Variants in KCNH8 observed in about 807,000 individuals in gnomAD.
KCNH8 encodes potassium voltage-gated channel subfamily H member 8, also known as voltage-gated delayed rectifier potassium channel KCNH8.
Under a neutral mutation model 103.6 loss-of-function variants are expected in KCNH8, and 70 were observed. That is an observed-to-expected ratio of 0.68 (90% CI 0.56 to 0.82). The LOEUF is 0.82. Ranked by LOEUF, KCNH8 falls within the 40% of genes least tolerant of loss-of-function variation. The pLI is 0.00. For missense variants in KCNH8, 1,217 were observed against 1,329.9 expected (o/e 0.92, Z 1.32); for synonymous variants, 498 against 489.4 (o/e 1.02, Z -0.23).
rs184378910 is a variant in KCNH8 at position 19,345,271 on chromosome 3, C to T, written c.571-2454C>T. On this transcript the variant is annotated intron_variant, in intron 4 of 15. Transcript: ENST00000328405. ...GAGTGCTACAAATGCATTTTTCTGG[C>T]GGGGACAGTGGTGATCAGCAAAGGC... 1.1e-3 allele frequency among the ~76,000 whole-genome samples: 164 copies of T among 152,060 alleles called. 3 individuals carry two copies. In the Middle Eastern group the frequency reaches 0.014, roughly 13 times the overall value.
At chr3:19,428,166 A>G (rs148570102) in intron 7 of KCNH8, among the ~76,000 whole-genome samples, 154 of 152,346 alleles carry the variant, frequency 1.0e-3, no homozygotes, top group Non-Finnish European at 1.7e-3. Context: ...AATACATAGT[A>G]GGATTAAATT....
At chr3:19,192,701 T>C (rs1219069338) in intron 1 of KCNH8, among the ~76,000 whole-genome samples, 1 of 151,724 alleles carries the variant, frequency 6.6e-6, no homozygotes, top group Non-Finnish European at 1.5e-5. Flanking sequence ...ATAAAATGTC[T>C]CTAGTTAAAC....
At chr3:19,483,636 T>G (rs73182848) in intron 11 of KCNH8, among the ~76,000 whole-genome samples, 17 of 149,950 alleles carry the variant, frequency 1.1e-4, no homozygotes, top group African/African-American at 2.9e-4. Context: ...ATTTCTTGGG[T>G]TTTTTTTGGA....
rs1164790993 is a variant in KCNH8, at chr3:19,281,138, T to G, written c.311-60T>G. ...TTTATTTTTTATTGATGATTGAGAT[T>G]TCCATAGAGATAACACAAGGCAATG... On this transcript the variant is annotated intron_variant, in intron 2 of 15. Transcript: ENST00000328405. 3 of 1,552,542 alleles carry G rather than the reference T, an allele frequency of 1.9e-6. No individual in the cohort carries two copies. The Admixed American group carries it at 5.9e-5, about 31-fold the overall frequency.
intron 2 of KCNH8, among the ~76,000 whole-genome samples, chr3:19,274,703 C>T (rs1240367517): frequency 6.6e-6 from 1 of 152,004 alleles, no homozygotes; most frequent in African/African-American, 2.4e-5. Flanking sequence ...GGTGGCTATA[C>T]ATACACCTGG....
intron 11 of KCNH8, among the ~76,000 whole-genome samples, chr3:19,496,130 A>G (rs908576396): frequency 2.0e-5 from 3 of 152,170 alleles, no homozygotes; most frequent in Non-Finnish European, 4.4e-5. Context: ...ATATAAAATT[A>G]TATTGTCTGC....
chr3:19,437,490 AAC>A (rs758278349), intron 7 of KCNH8, among the ~76,000 whole-genome samples: 7 of 152,194 alleles, frequency 4.6e-5, no homozygotes, highest in Non-Finnish European at 5.9e-5. Context: ...AGTATCATAA[AAC>A]AGTTTGTAGA....
chr3:19,188,959 T>A (rs67013638), intron 1 of KCNH8, among the ~76,000 whole-genome samples: 1 of 151,690 alleles, frequency 6.6e-6, no homozygotes, highest in African/African-American at 2.4e-5. Context: ...TTGTTTGTTT[T>A]TTTTTTAACA....
At chr3:19,375,929 AC>A (rs1178209618) in intron 5 of KCNH8, among the ~76,000 whole-genome samples, 9 of 151,834 alleles carry the variant, frequency 5.9e-5, no homozygotes, top group African/African-American at 2.2e-4. Flanking sequence ...GGGGTCAGGG[AC>A]CCACTTGAGG....
chr3:19,506,230 C>G (rs948778842), intron 11 of KCNH8, among the ~76,000 whole-genome samples: 1 of 152,180 alleles, frequency 6.6e-6, no homozygotes, highest in Non-Finnish European at 1.5e-5. Flanking sequence ...AGAGGCCACT[C>G]TGGCTTTTTG....
At chr3:19,150,164 T>C (rs915360554) in intron 1 of KCNH8, among the ~76,000 whole-genome samples, 2 of 152,184 alleles carry the variant, frequency 1.3e-5, no homozygotes, top group South Asian at 2.1e-4. Context: ...TGTAATGTTA[T>C]TACGTATGTC....
intron 1 of KCNH8, among the ~76,000 whole-genome samples, chr3:19,252,215 C>G (rs979042190): frequency 1.3e-5 from 2 of 152,076 alleles, no homozygotes; most frequent in African/African-American, 4.8e-5. Context: ...AATTAAATCT[C>G]AAAAAATTTA....
At chr3:19,226,829 T>C (rs17005761) in intron 1 of KCNH8, among the ~76,000 whole-genome samples, 14,859 of 152,174 alleles carry the variant, frequency 0.098, 2,394 homozygotes, top group African/African-American at 0.33. Flanking sequence ...TATCTTAAAA[T>C]GTTTCCAAAA....
chr3:19,176,701 T>C (rs1235266190), intron 1 of KCNH8, among the ~76,000 whole-genome samples: 1 of 152,158 alleles, frequency 6.6e-6, no homozygotes, highest in Non-Finnish European at 1.5e-5. Flanking sequence ...ATTGTTTAAT[T>C]TCATAACTAT....
intron 7 of KCNH8, among the ~76,000 whole-genome samples, chr3:19,409,934 A>G (rs185635590): frequency 1.7e-4 from 26 of 152,266 alleles, no homozygotes; most frequent in African/African-American, 6.3e-4. Flanking sequence ...GGGGTATTCA[A>G]GACCCCACGA....
At chr3:19,406,933 AT>A (rs2066700416) in intron 7 of KCNH8, among the ~76,000 whole-genome samples, 1 of 152,142 alleles carries the variant, frequency 6.6e-6, no homozygotes, top group African/African-American at 2.4e-5. Flanking sequence ...AACTTCTCTT[AT>A]TTGTATGAGA....
chr3:19,381,168 A>G (rs953494384), intron 5 of KCNH8, among the ~76,000 whole-genome samples: 5 of 152,224 alleles, frequency 3.3e-5, no homozygotes, highest in African/African-American at 4.8e-5. Flanking sequence ...TGTGCTGGAA[A>G]TGTGGGAAAA....
At chr3:19,444,638 A>T (rs1232848889) in intron 8 of KCNH8, among the ~76,000 whole-genome samples, 1 of 151,934 alleles carries the variant, frequency 6.6e-6, no homozygotes, top group Non-Finnish European at 1.5e-5. Flanking sequence ...AGAACTGTTA[A>T]ATCAATAAGA....
chr3:19,278,907 T>C (rs981250349), intron 2 of KCNH8, among the ~76,000 whole-genome samples: 1 of 152,176 alleles, frequency 6.6e-6, no homozygotes, highest in African/African-American at 2.4e-5. Context: ...TGGTTTTGGC[T>C]CTTTCCAAAA....
Sources: gnomAD v4.1 joint callset for allele counts (sites outside exome capture counted in the v4.1 genomes callset) on GRCh38, gnomAD v4.1.1 for gene constraint, MANE v1.5 for transcripts, NCBI Gene and HGNC (gene_info 2026-07-23, HGNC 2026-07-21) for gene names.